Variants in DNTTIP1 observed in about 807,000 individuals in gnomAD.
DNTTIP1 encodes deoxynucleotidyltransferase terminal-interacting protein 1.
DNTTIP1 carries 22 observed loss-of-function variants against 52.9 expected under a neutral mutation model. The observed-to-expected ratio is 0.42, with a 90% CI of 0.30 to 0.59. The LOEUF (loss-of-function observed/expected upper bound fraction) is 0.59, where lower values mean the gene tolerates loss of function less well. Among genes scored for constraint, DNTTIP1 ranks in the 20% least tolerant of loss-of-function variants. The probability of loss-of-function intolerance (pLI) is 0.22; values close to 1 mark genes in which losing one functional copy is unlikely to be tolerated. For missense variants in DNTTIP1, 286 were observed against 435.5 expected (o/e 0.66, Z 3.06); for synonymous variants, 136 against 155.1 (o/e 0.88, Z 0.92).
chr20:45,810,986 A>G, intron 12 of DNTTIP1, 46 bp downstream of exon 12: 3 of 1,613,822 alleles, frequency 1.9e-6, no homozygotes, highest in South Asian at 1.1e-5. Flanking sequence ...CCTGCCTCCA[A>G]ATAGCCCCTA....
At chr20:45,804,349 G>T (rs388420) in intron 8 of DNTTIP1, among the ~76,000 whole-genome samples, 4 of 152,088 alleles carry the variant, frequency 2.6e-5, no homozygotes, top group Non-Finnish European at 5.9e-5. Context: ...ATTTCCTTCT[G>T]TTCATCCTTA....
intron 2 of DNTTIP1, 145 bp from the exon 3 acceptor site, chr20:45,793,776 T>C: frequency 2.1e-6 from 1 of 477,662 alleles, no homozygotes; most frequent in Middle Eastern, 3.2e-4. Context: ...CCTCTGTGAT[T>C]TGCACAAAAT....
chr20:45,802,830 A>G (rs1332189170), intron 7 of DNTTIP1, among the ~76,000 whole-genome samples: 2 of 151,384 alleles, frequency 1.3e-5, no homozygotes, highest in African/African-American at 2.4e-5. Flanking sequence ...CCAACCCCCA[A>G]CCCCACTTTT....
At chr20:45,793,486 G>T (rs1568704442) in intron 2 of DNTTIP1, among the ~76,000 whole-genome samples, 1 of 152,166 alleles carries the variant, frequency 6.6e-6, no homozygotes, top group Non-Finnish European at 1.5e-5. Context: ...GATCACCTGA[G>T]GTTGGGAGTT....
In DNTTIP1 at chr20:45,809,261, C is replaced by T; in HGVS notation, c.795+76C>T. ...CCAGGATTTTGGCTGTGGGTGACAG[C>T]CTACCTCCAAATCTGACTTCCAAAG... is the stretch of plus-strand genomic sequence containing the variant. On this transcript the variant is annotated intron_variant, in intron 11 of 12. Coordinates refer to ENST00000372622, the MANE Select transcript of DNTTIP1 (RefSeq NM_052951.3). This position sits in a 1 kb window ranked among gnomAD's most constrained non-coding sequence, Gnocchi z 4.2. The T allele has an allele frequency of 7.7e-7, 1 of 1,302,660 alleles. No individual in the cohort carries two copies. Among genetic ancestry groups the T allele is most frequent in the Non-Finnish European group, 1.1e-6 (1 of 901,134 alleles). 80.7% of individuals were successfully genotyped at this position (1,302,660 alleles called of 1,614,324 possible).
chr20:45,798,251 A>G lies in DNTTIP1; in HGVS notation c.372+2808A>G, dbSNP rs9679852. Among the ~76,000 whole-genome samples the G allele has an allele frequency of 3.0e-3, 448 of 147,846 alleles. 4 individuals carry two copies. The highest frequency in any genetic ancestry group is 0.011 in the African/African-American group (432 of 40,434). On this transcript the variant is annotated intron_variant, in intron 4 of 12. Coordinates refer to ENST00000372622, the MANE Select transcript of DNTTIP1 (RefSeq NM_052951.3). ...ACAAGGACAAAAAACCAAACACCGC[A>G]TGTTCTCACTCATGGGTGGGAATTG...
At chr20:45,803,778 G>T (rs1370715658) in intron 8 of DNTTIP1, among the ~76,000 whole-genome samples, 1 of 152,108 alleles carries the variant, frequency 6.6e-6, no homozygotes, top group Non-Finnish European at 1.5e-5. Flanking sequence ...GCTTCCCTGT[G>T]GGCATAAATT....
intron 7 of DNTTIP1, among the ~76,000 whole-genome samples, chr20:45,802,308 A>G (rs1786023651): frequency 6.6e-6 from 1 of 152,152 alleles, no homozygotes; most frequent in Admixed American, 6.5e-5. Flanking sequence ...GTTAGTATAT[A>G]TTGGATGCTT....
chr20:45,801,312 G>T, intron 5 of DNTTIP1, 90 bp from the exon 6 acceptor site: 2 of 1,490,690 alleles, frequency 1.3e-6, no homozygotes, highest in South Asian at 1.1e-5. Context: ...GGGCTGGAGA[G>T]CTGTAGTCCA....
At chr20:45,795,485 C>A in intron 4 of DNTTIP1, 42 bp downstream of exon 4, 8 of 1,222,874 alleles carry the variant, frequency 6.5e-6, no homozygotes, top group Non-Finnish European at 9.4e-6. Context: ...CAAGGTTTAG[C>A]TCTCGAGCCT....
intron 4 of DNTTIP1, chr20:45,796,383 A>G (rs1981238046): frequency 2.6e-6 from 1 of 380,208 alleles, no homozygotes; most frequent in African/African-American, 2.6e-5. Context: ...TTTTAAAAGC[A>G]AAGCAAAAAA....
intron 4 of DNTTIP1, among the ~76,000 whole-genome samples, chr20:45,798,917 A>C (rs1419924423): frequency 2.0e-5 from 3 of 152,226 alleles, no homozygotes. Flanking sequence ...TCCTGCTCTA[A>C]TAGAACTTAA....
chr20:45,811,294 G>C lies in DNTTIP1; in HGVS notation c.*99G>C. 2 of 1,415,186 alleles carry C rather than the reference G, an allele frequency of 1.4e-6. No homozygotes were observed. Among genetic ancestry groups the C allele is most frequent in the Non-Finnish European group, 1.9e-6 (2 of 1,054,114 alleles). 87.7% of individuals were successfully genotyped at this position (1,415,186 alleles called of 1,614,324 possible). ...GGACTGCTCCTAGATGGATCTCAGC[G>C]GCATTAAGCTGTGCCTGAGCGAGTT... On this transcript the variant is annotated 3_prime_UTR_variant, in exon 13 of 13. Transcript: ENST00000372622.
chr20:45,804,735 C>G (rs949899483), intron 8 of DNTTIP1, among the ~76,000 whole-genome samples: 4 of 152,164 alleles, frequency 2.6e-5, no homozygotes, highest in East Asian at 1.9e-4. Flanking sequence ...CATGCTGCCC[C>G]CTGTCTGGAA....
chr20:45,800,310 A>AT (rs1032063699), intron 4 of DNTTIP1, among the ~76,000 whole-genome samples: 4 of 152,042 alleles, frequency 2.6e-5, no homozygotes, highest in African/African-American at 9.6e-5. Flanking sequence ...ACATTTTTTA[A>AT]TTTTTCCAGC....
chr20:45,805,444 GAACA>G, intron 10 of DNTTIP1, 78 bp downstream of exon 10: 1 of 1,474,150 alleles, frequency 6.8e-7, no homozygotes, highest in Non-Finnish European at 9.2e-7. Context: ...GAGAAGCTTA[GAACA>G]AACACTGATC....
intron 1 of DNTTIP1, among the ~76,000 whole-genome samples, chr20:45,792,362 T>A (rs914691364): frequency 1.3e-5 from 2 of 152,204 alleles, no homozygotes; most frequent in Non-Finnish European, 2.9e-5. Context: ...CTCATAAAAC[T>A]TGTTGTGGGA....
intron 1 of DNTTIP1, among the ~76,000 whole-genome samples, 191 bp downstream of exon 1, chr20:45,792,300 C>A (rs980907458): frequency 6.6e-6 from 1 of 152,188 alleles, no homozygotes; most frequent in Non-Finnish European, 1.5e-5. Flanking sequence ...TCTCTGTCAA[C>A]CCCCTGAGTC....
At position 45,801,411 on chromosome 20, in the gene DNTTIP1, C is replaced by G. The variant is rs1446245205; in HGVS notation, c.451C>G (p.Gln151Glu). 6.2e-7 allele frequency: 1 copy of G among 1,614,054 alleles called. No individual in the cohort carries two copies. The highest frequency in any genetic ancestry group is 8.5e-7 in the Non-Finnish European group (1 of 1,180,046). The change falls in exon 6 of 13, where the codon CAG (glutamine) becomes GAG (glutamate). Residue 151 changes from glutamine (Q) to glutamate (E), a missense_variant. Gln to Glu is a conservative substitution (Grantham distance 29). This residue lies in a region of DNTTIP1 where 208 missense variants were observed against 266.5 expected (regional missense o/e 0.78). Coordinates refer to ENST00000372622, the MANE Select transcript of DNTTIP1 (RefSeq NM_052951.3). ...TTCCCTTTTCTTTTAGCGTGGCCGT[C>G]AGGCAGAAGAAGAATGTGCCCATCG... ...HELPGIKRGR[Q>E]AEEECAHRGS...
Sources: allele counts gnomAD v4.1 joint callset (sites outside exome capture counted in the v4.1 genomes callset), GRCh38; gene constraint gnomAD v4.1.1; regional missense constraint gnomAD v4.1.1; non-coding constraint Gnocchi (gnomAD v3.1); transcripts MANE v1.5; gene names NCBI Gene and HGNC (gene_info 2026-07-23, HGNC 2026-07-21).